Variants in NEDD4 observed in about 807,000 individuals in gnomAD.
NEDD4 encodes the protein E3 ubiquitin-protein ligase NEDD4.
NEDD4 carries 99 observed loss-of-function variants against 144.9 expected under a neutral mutation model. That is an observed-to-expected ratio of 0.68 (90% CI 0.58 to 0.81). NEDD4 has a LOEUF of 0.81. Ranked by LOEUF, NEDD4 falls within the 30% of genes least tolerant of loss-of-function variation. The probability of loss-of-function intolerance (pLI) is 0.00; values close to 1 mark genes in which losing one functional copy is unlikely to be tolerated. For synonymous variants in NEDD4, 318 were observed against 350.6 expected, an observed-to-expected ratio of 0.91 and a Z score of 1.04; for missense variants, 985 against 1,065.9, an observed-to-expected ratio of 0.92 and a Z score of 1.06.
intron 1 of NEDD4, among the ~76,000 whole-genome samples, chr15:55,975,905 C>A (rs942385359): frequency 6.6e-6 from 1 of 152,166 alleles, no homozygotes; most frequent in Non-Finnish European, 1.5e-5. Context: ...GTATCCAACA[C>A]AACATGGTAT....
intron 2 of NEDD4, among the ~76,000 whole-genome samples, chr15:55,952,094 C>A (rs1344090918): frequency 6.6e-6 from 1 of 151,242 alleles, no homozygotes; most frequent in African/African-American, 2.4e-5. Flanking sequence ...TTTGGGAGGC[C>A]GAGGCGGGCG....
chr15:55,969,044 A>C (rs1163497297), intron 1 of NEDD4, among the ~76,000 whole-genome samples: 1 of 152,196 alleles, frequency 6.6e-6, no homozygotes, highest in Non-Finnish European at 1.5e-5. Flanking sequence ...GGTAGGAAAG[A>C]CAGTCTTGAA....
rs146190209 is a variant in NEDD4, at chr15:55,934,216, G to T, written c.238-9517C>A. 4.1e-3 allele frequency among the ~76,000 whole-genome samples: 625 copies of T among 152,308 alleles called. 5 individuals carry two copies. Among genetic ancestry groups the T allele is most frequent in the African/African-American group, 0.015 (603 of 41,554 alleles). On this transcript the variant is annotated intron_variant, in intron 4 of 28. Transcript: ENST00000435532. ...CAGTCTCAGGCATATCTTATGAGCA[G>T]TGTGAGAATGGGCTAATACAGCTTC...
intron 4 of NEDD4, among the ~76,000 whole-genome samples, chr15:55,936,326 T>C (rs2036888397): frequency 6.6e-6 from 1 of 152,050 alleles, no homozygotes; most frequent in African/African-American, 2.4e-5. Context: ...TTAACAATCA[T>C]AGCAAAGTGC....
intron 1 of NEDD4, among the ~76,000 whole-genome samples, chr15:55,975,695 G>A (rs1336277268): frequency 2.0e-5 from 3 of 151,478 alleles, no homozygotes; most frequent in Non-Finnish European, 4.4e-5. Context: ...TTGTTAAAAT[G>A]TCCATACTAC....
At chr15:55,841,604 G>C (rs1008328769) in intron 19 of NEDD4, among the ~76,000 whole-genome samples, 4 of 151,572 alleles carry the variant, frequency 2.6e-5, no homozygotes, top group African/African-American at 9.7e-5. Context: ...TTTTTTTTTA[G>C]AGGAGTCTTG....
chr15:55,974,233 C>A (rs1179578356), intron 1 of NEDD4, among the ~76,000 whole-genome samples: 1 of 152,028 alleles, frequency 6.6e-6, no homozygotes, highest in African/African-American at 2.4e-5. Context: ...AAATCCAAAA[C>A]ATAAAAAGAC....
At chr15:55,882,090 A>C (rs953797902) in intron 5 of NEDD4, among the ~76,000 whole-genome samples, 1 of 152,248 alleles carries the variant, frequency 6.6e-6, no homozygotes, top group South Asian at 2.1e-4. Flanking sequence ...GGTTTTTAAA[A>C]GTAACAGCTT....
At chr15:55,966,696 CG>C in intron 1 of NEDD4, 150 bp from the exon 2 acceptor site, 1 of 432,334 alleles carries the variant, frequency 2.3e-6, no homozygotes, top group Non-Finnish European at 4.0e-6. Context: ...AAAAGTTACA[CG>C]GGAAAAAAAG....
intron 18 of NEDD4, among the ~76,000 whole-genome samples, chr15:55,843,758 A>C (rs2033620754): frequency 6.6e-6 from 1 of 152,218 alleles, no homozygotes; most frequent in African/African-American, 2.4e-5. Context: ...ATGTCATTAA[A>C]AAAATGGTAA....
chr15:55,965,350 C>G (rs1365110380), intron 2 of NEDD4, among the ~76,000 whole-genome samples: 1 of 151,996 alleles, frequency 6.6e-6, no homozygotes, highest in Non-Finnish European at 1.5e-5. Flanking sequence ...TACAGGCATG[C>G]GCCACCATGC....
chr15:55,922,900 T>C lies in NEDD4; in HGVS notation c.291+1746A>G, dbSNP rs574985044. On this transcript the variant is annotated intron_variant, in intron 5 of 28. Coordinates refer to ENST00000435532, the MANE Select transcript of NEDD4 (RefSeq NM_006154.4). ...AAATATTTATATTATGTGGGCTTTT[T>C]TGTATGTATATTTCATGAGTTAAAA... 4.5e-4 allele frequency among the ~76,000 whole-genome samples: 69 copies of C among 152,338 alleles called. 1 individual carries two copies. The highest frequency in any genetic ancestry group is 5.9e-4 in the Admixed American group (9 of 15,298).
At chr15:55,898,885 T>C (rs2142147411) in intron 5 of NEDD4, among the ~76,000 whole-genome samples, 1 of 152,196 alleles carries the variant, frequency 6.6e-6, no homozygotes, top group South Asian at 2.1e-4. Context: ...AAAGTGATCC[T>C]CCAATCTCAG....
Position 55,966,934 on chromosome 15 carries a change from C to T in NEDD4, c.46-388G>A, listed in dbSNP as rs550834582. On this transcript the variant is annotated intron_variant, in intron 1 of 28. Coordinates refer to ENST00000435532, the MANE Select transcript of NEDD4 (RefSeq NM_006154.4). ...ACAGAGTCTCACTCTGTTGCCCAGG[C>T]TGGAGTGCAGTGGTGTGATCCTGGC... Among the ~76,000 whole-genome samples, 7 of 152,254 alleles carry T rather than the reference C, an allele frequency of 4.6e-5. No homozygotes were observed. The South Asian group carries it at 1.2e-3, about 27-fold the overall frequency.
chr15:55,860,114 T>C (rs2034342402), intron 11 of NEDD4, among the ~76,000 whole-genome samples: 1 of 152,180 alleles, frequency 6.6e-6, no homozygotes, highest in South Asian at 2.1e-4. Flanking sequence ...ATGGTGCGTG[T>C]TCTCCCTTGC....
At chr15:55,861,047 C>T (rs1267150951) in intron 9 of NEDD4, among the ~76,000 whole-genome samples, 1 of 152,042 alleles carries the variant, frequency 6.6e-6, no homozygotes, top group Non-Finnish European at 1.5e-5. Flanking sequence ...GGATAATGTC[C>T]AACACATATA....
At chr15:55,944,630 G>T (rs1324414175) in intron 4 of NEDD4, among the ~76,000 whole-genome samples, 2 of 152,212 alleles carry the variant, frequency 1.3e-5, no homozygotes, top group African/African-American at 4.8e-5. Context: ...TCTGAAGAGA[G>T]CAGTGGTTCT....
chr15:55,916,002 C>T (rs756868539), intron 5 of NEDD4: 54 of 1,613,486 alleles, frequency 3.3e-5, no homozygotes, highest in Non-Finnish European at 4.4e-5. Flanking sequence ...AGAAGTCGGT[C>T]GGGTAGTTGA....
chr15:55,874,751 A>T (rs1242426552), intron 5 of NEDD4, among the ~76,000 whole-genome samples: 1 of 152,174 alleles, frequency 6.6e-6, no homozygotes, highest in Non-Finnish European at 1.5e-5. Context: ...AGGTGGGCGG[A>T]TCACCTGAGG....
Sources: gnomAD v4.1 joint callset for allele counts (sites outside exome capture counted in the v4.1 genomes callset) on GRCh38, gnomAD v4.1.1 for gene constraint, MANE v1.5 for transcripts, NCBI Gene and HGNC (gene_info 2026-07-23, HGNC 2026-07-21) for gene names.